The following SNX29 variants were observed in gnomAD, a reference collection of about 807,000 sequenced individuals.
The protein encoded by SNX29 is sorting nexin-29.
SNX29 carries 78 observed loss-of-function variants against 102.1 expected under a neutral mutation model. That is an observed-to-expected ratio of 0.76 (90% CI 0.64 to 0.92). SNX29 has a LOEUF of 0.92. Among genes scored for constraint, SNX29 ranks in the 40% least tolerant of loss-of-function variants. The pLI, the probability that SNX29 is intolerant of heterozygous loss-of-function variation, is 0.00. For synonymous variants in SNX29, 580 were observed against 414.5 expected, an observed-to-expected ratio of 1.40 and a Z score of -4.85; for missense variants, 1,280 against 1,061.7, an observed-to-expected ratio of 1.21 and a Z score of -2.86.
chr16:12,044,451 G>A (rs150518314), intron 5 of SNX29, among the ~76,000 whole-genome samples: 1 of 152,276 alleles, frequency 6.6e-6, no homozygotes, highest in East Asian at 1.9e-4. Flanking sequence ...AAATGGGAGT[G>A]CTTGGGAACC....
At chr16:12,139,622 C>T (rs1306292041) in intron 13 of SNX29, among the ~76,000 whole-genome samples, 1 of 152,138 alleles carries the variant, frequency 6.6e-6, no homozygotes, top group South Asian at 2.1e-4. Flanking sequence ...GTCGTTTGCC[C>T]CAAGATGTAT....
chr16:12,222,736 T>G (rs1466409310), intron 14 of SNX29, among the ~76,000 whole-genome samples: 1 of 152,148 alleles, frequency 6.6e-6, no homozygotes, highest in Non-Finnish European at 1.5e-5. Flanking sequence ...GCCCAGCTAA[T>G]TTTTGTATTT....
At chr16:12,083,214 G>A (rs923082106) in intron 11 of SNX29, among the ~76,000 whole-genome samples, 1 of 151,574 alleles carries the variant, frequency 6.6e-6, no homozygotes, top group Non-Finnish European at 1.5e-5. Context: ...GCAGAGGCAG[G>A]AGAATCGCTT....
intron 14 of SNX29, among the ~76,000 whole-genome samples, chr16:12,224,766 A>G (rs1322752937): frequency 6.6e-6 from 1 of 152,212 alleles, no homozygotes; most frequent in African/African-American, 2.4e-5. Context: ...TAGTCCACCA[A>G]GACAAGCCTG....
At chr16:12,562,281 T>C (rs562021860) in intron 20 of SNX29, among the ~76,000 whole-genome samples, 11 of 152,312 alleles carry the variant, frequency 7.2e-5, no homozygotes, top group African/African-American at 2.2e-4. Context: ...GGCCACGCTC[T>C]ATCCCAGCAT....
intron 18 of SNX29, among the ~76,000 whole-genome samples, chr16:12,430,696 C>T (rs1303382889): frequency 6.6e-6 from 1 of 152,164 alleles, no homozygotes; most frequent in Non-Finnish European, 1.5e-5. Context: ...ATTGTTATGA[C>T]TGTTACTATT....
At position 12,392,390 on chromosome 16, in the gene SNX29, A is replaced by G. The variant is rs573663519; in HGVS notation, c.1900-6056A>G. On this transcript the variant is annotated intron_variant, in intron 16 of 20. Transcript: ENST00000566228. ...GAAAGTAGATGTCCATTCTTAGTGA[A>G]GTAGTAAGTTCGATCATTTCCCCAT... is the stretch of plus-strand genomic sequence containing the variant. Among the ~76,000 whole-genome samples the G allele has an allele frequency of 1.8e-3, 275 of 152,280 alleles. 1 individual carries two copies. Among genetic ancestry groups the G allele is most frequent in the African/African-American group, 6.5e-3 (272 of 41,554 alleles).
intron 18 of SNX29, among the ~76,000 whole-genome samples, chr16:12,455,523 C>G (rs543767874): frequency 6.1e-4 from 93 of 152,236 alleles, no homozygotes; most frequent in Non-Finnish European, 7.6e-4. Flanking sequence ...AGCCAGTGTT[C>G]CTTGTCTCTT....
At chr16:12,254,648 A>G (rs2078516443) in intron 14 of SNX29, among the ~76,000 whole-genome samples, 1 of 151,674 alleles carries the variant, frequency 6.6e-6, no homozygotes, top group African/African-American at 2.4e-5. Flanking sequence ...CCATCTCCAA[A>G]AAAAAAAAAG....
chr16:12,024,920 G>A (rs2057145664), intron 3 of SNX29, among the ~76,000 whole-genome samples: 1 of 152,032 alleles, frequency 6.6e-6, no homozygotes, highest in Admixed American at 6.6e-5. Context: ...CCCTGATCTA[G>A]GTCATTGTTG....
At chr16:12,196,740 C>A (rs1596480832) in intron 13 of SNX29, among the ~76,000 whole-genome samples, 3 of 151,568 alleles carry the variant, frequency 2.0e-5, no homozygotes, top group Non-Finnish European at 2.9e-5. Context: ...TCTGCCTCAG[C>A]CTCTTTAGTA....
intron 11 of SNX29, among the ~76,000 whole-genome samples, chr16:12,122,647 T>C (rs1184101509): frequency 6.6e-6 from 1 of 152,030 alleles, no homozygotes; most frequent in East Asian, 1.9e-4. Context: ...GGGCAGAGGC[T>C]GGAGCGGCAG....
chr16:12,506,705 G>A (rs1198221246), intron 19 of SNX29, among the ~76,000 whole-genome samples: 1 of 152,178 alleles, frequency 6.6e-6, no homozygotes, highest in Non-Finnish European at 1.5e-5. Flanking sequence ...AAGGGCTTAA[G>A]ACAAGTCAGG....
chr16:12,316,427 C>T (rs1398990910), intron 15 of SNX29, among the ~76,000 whole-genome samples: 2 of 152,170 alleles, frequency 1.3e-5, no homozygotes, highest in Non-Finnish European at 1.5e-5. Flanking sequence ...CCTGTAATCC[C>T]TGCTACTCTG....
intron 20 of SNX29, among the ~76,000 whole-genome samples, chr16:12,527,907 C>T (rs1473223945): frequency 6.6e-6 from 1 of 150,392 alleles, no homozygotes; most frequent in African/African-American, 2.4e-5. Flanking sequence ...TCACTGTAAG[C>T]TCTGCCTCCC....
chr16:12,240,034 C>G (rs1441947702), intron 14 of SNX29, among the ~76,000 whole-genome samples: 1 of 152,202 alleles, frequency 6.6e-6, no homozygotes, highest in East Asian at 1.9e-4. Flanking sequence ...ATTTTGCATT[C>G]TCTCGTTTCA....
chr16:12,177,958 T>TTTC (rs1335883981), intron 13 of SNX29, among the ~76,000 whole-genome samples: 1 of 152,184 alleles, frequency 6.6e-6, no homozygotes, highest in East Asian at 1.9e-4. Flanking sequence ...TTGTCTAGCT[T>TTTC]TTCTCCAGCT....
chr16:12,003,157 G>A lies in SNX29; in HGVS notation c.122+114G>A, dbSNP rs1455269574. The A allele has an allele frequency of 5.3e-5, 69 of 1,307,056 alleles. No homozygotes were observed. The East Asian group carries it at 1.5e-3, about 29-fold the overall frequency. 81.0% of individuals were successfully genotyped at this position (1,307,056 alleles called of 1,614,324 possible). On this transcript the variant is annotated intron_variant, in intron 3 of 20. Transcript: ENST00000566228. ...TTGGAAAGGCGGCAGAAGGCGGCTG[G>A]CTTCTGGGCTCTGCCTCTGCAGCCA...
chr16:12,303,573 G>A (rs1260156720), intron 15 of SNX29, among the ~76,000 whole-genome samples: 1 of 152,222 alleles, frequency 6.6e-6, no homozygotes, highest in Non-Finnish European at 1.5e-5. Context: ...AAGCTATACG[G>A]AAAGGCAAGG....
Sources: allele counts gnomAD v4.1 joint callset (sites outside exome capture counted in the v4.1 genomes callset), GRCh38; gene constraint gnomAD v4.1.1; transcripts MANE v1.5; gene names NCBI Gene and HGNC (gene_info 2026-07-23, HGNC 2026-07-21).